The following SSBP2 variants were observed in gnomAD, a reference collection of about 807,000 sequenced individuals.
SSBP2 encodes single-stranded DNA-binding protein 2.
In SSBP2, 17 loss-of-function variants were observed where a neutral mutation model predicts 61.8. The observed-to-expected ratio is 0.28, with a 90% CI of 0.19 to 0.41. The LOEUF is 0.41. Among genes scored for constraint, SSBP2 ranks in the 10% least tolerant of loss-of-function variants. The pLI, the probability that SSBP2 is intolerant of heterozygous loss-of-function variation, is 1.00. For synonymous variants in SSBP2, 139 were observed against 141.3 expected (o/e 0.98, Z 0.12); for missense variants, 310 against 458.7 (o/e 0.68, Z 2.96).
At chr5:81,627,491 T>C (rs542175942) in intron 3 of SSBP2, among the ~76,000 whole-genome samples, 1 of 152,344 alleles carries the variant, frequency 6.6e-6, no homozygotes, top group South Asian at 2.1e-4. Flanking sequence ...TATACCATTC[T>C]AGTGAGCTAA....
chr5:81,708,577 T>G (rs1370553896), intron 1 of SSBP2, among the ~76,000 whole-genome samples: 1 of 152,124 alleles, frequency 6.6e-6, no homozygotes, highest in African/African-American at 2.4e-5. Context: ...TTTTCTTAAA[T>G]TCACTGCATT....
chr5:81,614,505 G>C (rs1341780640), intron 4 of SSBP2, among the ~76,000 whole-genome samples: 2 of 152,116 alleles, frequency 1.3e-5, no homozygotes, highest in Non-Finnish European at 2.9e-5. Flanking sequence ...GTCTAAGGCT[G>C]AATTATTTTC....
At chr5:81,726,484 T>C (rs576034177) in intron 1 of SSBP2, among the ~76,000 whole-genome samples, 30 of 152,298 alleles carry the variant, frequency 2.0e-4, no homozygotes, top group Non-Finnish European at 4.1e-4. Context: ...GGGCCAGAAC[T>C]GCCACTGTTA....
At chr5:81,422,099 T>A (rs1410658140) in intron 16 of SSBP2, among the ~76,000 whole-genome samples, 8 of 152,154 alleles carry the variant, frequency 5.3e-5, no homozygotes, top group Admixed American at 5.2e-4. Context: ...TTCAACATGC[T>A]AATAACAATT....
rs188269098 is a variant in SSBP2, at chr5:81,648,078, T to C, written c.135+2189A>G. Among the ~76,000 whole-genome samples, 1,038 of 152,174 alleles carry C rather than the reference T, an allele frequency of 6.8e-3. 4 individuals are homozygous for C. Among genetic ancestry groups the C allele is most frequent in the Non-Finnish European group, 0.011 (723 of 67,968 alleles). On this transcript the variant is annotated intron_variant, in intron 2 of 16. Coordinates refer to ENST00000320672, the MANE Select transcript of SSBP2 (RefSeq NM_012446.5). ...ATGGTCCTTGATACAAGGAAGGAGA[T>C]CATTAAATCTTTTAAGTTTCTACTG...
intron 1 of SSBP2, among the ~76,000 whole-genome samples, chr5:81,701,060 T>C (rs1417753445): frequency 6.6e-6 from 1 of 152,238 alleles, no homozygotes; most frequent in African/African-American, 2.4e-5. Flanking sequence ...TTTCAGTCTA[T>C]CTTGGCTTTT....
intron 4 of SSBP2, among the ~76,000 whole-genome samples, chr5:81,591,875 G>A (rs760777818): frequency 1.3e-5 from 2 of 152,236 alleles, no homozygotes; most frequent in African/African-American, 4.8e-5. Context: ...TGGCCGAATA[G>A]GAACAGCTCC....
chr5:81,523,328 T>C (rs1424693632), intron 4 of SSBP2, among the ~76,000 whole-genome samples: 1 of 152,106 alleles, frequency 6.6e-6, no homozygotes. Flanking sequence ...CCATGTTTAA[T>C]GGTGCAGAAA....
chr5:81,530,289 C>G (rs1197893921), intron 4 of SSBP2, among the ~76,000 whole-genome samples: 7 of 151,992 alleles, frequency 4.6e-5, no homozygotes, highest in Non-Finnish European at 8.8e-5. Context: ...AGTAAGGTAT[C>G]AATAAATATT....
chr5:81,736,266 G>A (rs778237941), intron 1 of SSBP2, among the ~76,000 whole-genome samples: 2 of 151,880 alleles, frequency 1.3e-5, no homozygotes, highest in South Asian at 2.1e-4. Flanking sequence ...CAAAATTGGC[G>A]CTATGCCAAA....
intron 4 of SSBP2, among the ~76,000 whole-genome samples, chr5:81,614,131 C>A (rs527244558): frequency 3.3e-5 from 5 of 152,134 alleles, no homozygotes; most frequent in Non-Finnish European, 5.9e-5. Flanking sequence ...GAGGCCGAGG[C>A]GGGCGGATCA....
At chr5:81,488,084 A>G (rs1580811880) in intron 6 of SSBP2, among the ~76,000 whole-genome samples, 1 of 126,430 alleles carries the variant, frequency 7.9e-6, no homozygotes, top group East Asian at 2.4e-4. Flanking sequence ...TATTATATAT[A>G]TACACACACA....
intron 4 of SSBP2, among the ~76,000 whole-genome samples, chr5:81,596,340 G>A (rs1299424608): frequency 3.3e-4 from 45 of 138,404 alleles, no homozygotes; most frequent in African/African-American, 1.2e-3. Flanking sequence ...AATAAAAGAG[G>A]ACACAAACAA....
intron 1 of SSBP2, among the ~76,000 whole-genome samples, chr5:81,735,073 T>A (rs986966581): frequency 6.6e-6 from 1 of 151,720 alleles, no homozygotes; most frequent in Non-Finnish European, 1.5e-5. Context: ...AAATTAATGA[T>A]CAAAGCACTT....
intron 9 of SSBP2, among the ~76,000 whole-genome samples, chr5:81,465,896 C>T (rs1170849254): frequency 2.0e-5 from 3 of 151,924 alleles, no homozygotes; most frequent in Non-Finnish European, 4.4e-5. Flanking sequence ...ACTTTCCCTC[C>T]TGCTCTGTTA....
chr5:81,454,162 G>T (rs1763971897), intron 10 of SSBP2, among the ~76,000 whole-genome samples: 1 of 152,190 alleles, frequency 6.6e-6, no homozygotes, highest in East Asian at 1.9e-4. Flanking sequence ...TGGGAGACAT[G>T]GGATGGTGGC....
At chr5:81,489,910 C>T (rs1018254913) in intron 5 of SSBP2, among the ~76,000 whole-genome samples, 3 of 151,888 alleles carry the variant, frequency 2.0e-5, no homozygotes, top group Non-Finnish European at 2.9e-5. Flanking sequence ...CCCACCTACT[C>T]GGGAGGCTGA....
At chr5:81,744,038 C>A (rs1285561680) in intron 1 of SSBP2, among the ~76,000 whole-genome samples, 1 of 152,168 alleles carries the variant, frequency 6.6e-6, no homozygotes, top group Non-Finnish European at 1.5e-5. Context: ...TAAACTCAAG[C>A]CTGTTTCTTC....
chr5:81,709,268 A>G (rs578134675), intron 1 of SSBP2, among the ~76,000 whole-genome samples: 1 of 152,122 alleles, frequency 6.6e-6, no homozygotes, highest in East Asian at 1.9e-4. Flanking sequence ...AGAAAAGAAG[A>G]AGTAAAAATA....
Sources: gnomAD v4.1 joint callset for allele counts (sites outside exome capture counted in the v4.1 genomes callset) on GRCh38, gnomAD v4.1.1 for gene constraint, MANE v1.5 for transcripts, NCBI Gene and HGNC (gene_info 2026-07-23, HGNC 2026-07-21) for gene names.